The following AGL variants were observed in gnomAD, a reference collection of about 807,000 sequenced individuals.
The protein encoded by AGL is glycogen debranching enzyme.
AGL carries 128 observed loss-of-function variants against 199.3 expected under a neutral mutation model. That is an observed-to-expected ratio of 0.64 (90% confidence interval 0.56 to 0.74). The LOEUF (loss-of-function observed/expected upper bound fraction) is 0.74. AGL is among the 30% of genes least tolerant of loss of function. AGL has a pLI of 0.00. For synonymous variants in AGL, 584 were observed against 594.7 expected (o/e 0.98, Z 0.26); for missense variants, 1,809 against 1,820.8 (o/e 0.99, Z 0.12).
chr1:99,902,761 G>A lies in AGL; in HGVS notation c.3667G>A (p.Gly1223Ser). ...QGIQFRERNAGPQIDRNMKDE... is the reference protein window; with the variant it reads ...QGIQFRERNASPQIDRNMKDE... Reference sequence around the variant, plus strand: ...CATACAGTTCCGAGAAAGGAATGCTGGTCCCCAGATAGATCGAAACATGAA... The same window carrying A: ...CATACAGTTCCGAGAAAGGAATGCTAGTCCCCAGATAGATCGAAACATGAA... The change falls in exon 27 of 34, where the codon GGT becomes AGT. Residue 1223 changes from glycine to serine, a missense_variant. Transcript: ENST00000361915. The A allele has an allele frequency of 1.2e-6, 2 of 1,613,364 alleles. No homozygotes were observed. Among genetic ancestry groups the A allele is most frequent in the South Asian group, 1.1e-5 (1 of 91,072 alleles).
chr1:99,864,611 T>A (rs1395976947), intron 5 of AGL, 22 bp downstream of exon 5: 8 of 1,593,330 alleles, frequency 5.0e-6, no homozygotes, highest in African/African-American at 1.3e-5. Context: ...ATTGACTGCC[T>A]TCATTAATTT....
Position 99,879,103 on chromosome 1 carries a change from A to G in AGL, c.1612-820A>G, listed in dbSNP as rs191682546. 1.7e-4 allele frequency among the ~76,000 whole-genome samples: 26 copies of G among 152,326 alleles called. No homozygotes were observed. In the East Asian group the frequency reaches 4.6e-3, roughly 27 times the overall value. On this transcript the variant is annotated intron_variant, in intron 12 of 33. Transcript: ENST00000361915. ...TAGATAGCACCAGTGTTAAACGTAA[A>G]TCACACAAGTGGAAATTGTAAGGTG...
chr1:99,884,733 C>A, intron 20 of AGL, 30 bp downstream of exon 20: 1 of 1,612,318 alleles, frequency 6.2e-7, no homozygotes, highest in Non-Finnish European at 8.5e-7. Context: ...TAGAGATTTG[C>A]CACCTTAATA....
At chr1:99,858,760 A>G (rs1053725076) in intron 2 of AGL, among the ~76,000 whole-genome samples, 10 of 152,220 alleles carry the variant, frequency 6.6e-5, no homozygotes, top group African/African-American at 2.2e-4. Context: ...ACTGAGAGAT[A>G]TTATCAATAT....
chr1:99,861,846 A>G (rs563012238), intron 3 of AGL, 133 bp downstream of exon 3: 2 of 1,028,734 alleles, frequency 1.9e-6, no homozygotes, highest in East Asian at 2.4e-5. Context: ...TGCAAATAGA[A>G]TATTCTTTGA....
At position 99,891,604 on chromosome 1, in the gene AGL, A is replaced by C. The variant is rs770438130; in HGVS notation, c.2950-2A>C. 1 of 1,613,486 alleles carries C rather than the reference A, an allele frequency of 6.2e-7. No individual in the cohort carries two copies. Among genetic ancestry groups the C allele is most frequent in the Middle Eastern group, 1.7e-4 (1 of 6,054 alleles). On this transcript the variant is annotated splice_acceptor_variant, in intron 22 of 33. Transcript: ENST00000361915. LOFTEE classifies it high-confidence loss of function. The stretch of plus-strand genomic sequence containing the variant: ...TAACTTTCAAATTTATTTTAATTAC[A>C]GGTTGGTAAATGGTTGCAGGCTATG...
intron 2 of AGL, among the ~76,000 whole-genome samples, chr1:99,857,156 C>T: frequency 6.6e-6 from 1 of 152,170 alleles, no homozygotes; most frequent in African/African-American, 2.4e-5. Flanking sequence ...GGCAGAGGCG[C>T]CCCTCACCTC....
chr1:99,870,722 G>A (rs1327331370), intron 6 of AGL, 36 bp from the exon 7 acceptor site: 2 of 1,418,500 alleles, frequency 1.4e-6, no homozygotes, highest in Admixed American at 1.7e-5. Flanking sequence ...ATAAGTATAT[G>A]TATATATGTA....
At chr1:99,863,990 A>G (rs1461666811) in intron 4 of AGL, among the ~76,000 whole-genome samples, 1 of 152,178 alleles carries the variant, frequency 6.6e-6, no homozygotes, top group Non-Finnish European at 1.5e-5. Context: ...GAAGAAAGGA[A>G]TGAGAAGTTC....
chr1:99,892,155 C>T (rs776379464), intron 23 of AGL, among the ~76,000 whole-genome samples: 18 of 152,010 alleles, frequency 1.2e-4, no homozygotes, highest in South Asian at 2.1e-4. Context: ...TAAGTGTACT[C>T]GTGAGAGCCA....
chr1:99,890,424 TGAGC>T (rs1652787551), intron 21 of AGL, among the ~76,000 whole-genome samples: 1 of 152,156 alleles, frequency 6.6e-6, no homozygotes, highest in Non-Finnish European at 1.5e-5. Context: ...GAGAAGATTG[TGAGC>T]CCCTTGAGGG....
At chr1:99,866,771 G>T (rs1296568569) in intron 5 of AGL, among the ~76,000 whole-genome samples, 1 of 151,798 alleles carries the variant, frequency 6.6e-6, no homozygotes, top group Non-Finnish European at 1.5e-5. Context: ...GTTGCAAATC[G>T]TAATATCCTT....
intron 17 of AGL, 23 bp from the exon 18 acceptor site, chr1:99,884,097 A>G: frequency 6.3e-7 from 1 of 1,596,168 alleles, no homozygotes; most frequent in Non-Finnish European, 8.6e-7. Context: ...AAATTTTGTT[A>G]AAATGTTTTT....
At chr1:99,897,398 A>G (rs1653418026) in intron 25 of AGL, among the ~76,000 whole-genome samples, 1 of 152,208 alleles carries the variant, frequency 6.6e-6, no homozygotes, top group Admixed American at 6.5e-5. Context: ...GCACTGCTCT[A>G]AAAGATAAAA....
intron 5 of AGL, among the ~76,000 whole-genome samples, chr1:99,867,441 C>T (rs1650612154): frequency 6.6e-6 from 1 of 152,170 alleles, no homozygotes; most frequent in Non-Finnish European, 1.5e-5. Context: ...GAGACATTCT[C>T]TCCTCCCAAC....
At chr1:99,888,898 TC>T (rs1418593387) in intron 21 of AGL, among the ~76,000 whole-genome samples, 1 of 152,218 alleles carries the variant, frequency 6.6e-6, no homozygotes, top group Non-Finnish European at 1.5e-5. Context: ...TTCTTTGTCC[TC>T]CAGACACCAT....
chr1:99,900,890 G>GTT lies in AGL; in HGVS notation c.3588+43_3588+44dup, dbSNP rs35956186. 9,607 of 1,299,918 alleles carry GTT rather than the reference G, an allele frequency of 7.4e-3. No homozygotes were observed. Among genetic ancestry groups the GTT allele is most frequent in the Non-Finnish European group, 8.1e-3 (7,581 of 932,310 alleles). The allele number at this position is 1,299,918 out of a possible 1,614,324, so 80.5% of individuals were successfully genotyped here. ...AAGATATTTCTTAAAATGTTTTTTT[G>GTT]TTTTTTTTTTTTTTTCTGAAAAATG... is the stretch of plus-strand genomic sequence containing the variant. On this transcript the variant is annotated intron_variant, in intron 26 of 33. Coordinates refer to ENST00000361915, the MANE Select transcript of AGL (RefSeq NM_000642.3).
chr1:99,872,749 G>A (rs1046873125), intron 7 of AGL, among the ~76,000 whole-genome samples: 3 of 152,050 alleles, frequency 2.0e-5, no homozygotes, highest in Non-Finnish European at 1.5e-5. Context: ...GGATGGTCTC[G>A]ATCTCTTGAC....
intron 27 of AGL, among the ~76,000 whole-genome samples, chr1:99,903,952 GTTGT>G (rs1288059156): frequency 5.3e-5 from 8 of 152,080 alleles, no homozygotes; most frequent in African/African-American, 1.7e-4. Context: ...TTTTGATGGG[GTTGT>G]TTGTTTTTTT....
Sources: allele counts gnomAD v4.1 joint callset (sites outside exome capture counted in the v4.1 genomes callset), GRCh38; gene constraint gnomAD v4.1.1; transcripts MANE v1.5; gene names NCBI Gene and HGNC (gene_info 2026-07-23, HGNC 2026-07-21).